Variants in AADACL3 observed in about 807,000 individuals in gnomAD.
AADACL3 encodes the protein arylacetamide deacetylase-like 3.
In AADACL3, 13 loss-of-function variants were observed where a neutral mutation model predicts 13.6. The ratio of observed to expected loss-of-function variants is 0.95; its 90% CI spans 0.62 to 1.52. AADACL3 has a LOEUF of 1.52. Ranked by LOEUF, AADACL3 falls within the 40% of genes most tolerant of loss-of-function variation. The probability of loss-of-function intolerance (pLI) is 0.00; values close to 1 mark genes in which losing one functional copy is unlikely to be tolerated. For synonymous variants in AADACL3, 195 were observed against 197.0 expected (o/e 0.99, Z 0.08); for missense variants, 519 against 499.2 (o/e 1.04, Z -0.38).
intron 2 of AADACL3, 48 bp from the exon 3 acceptor site, chr1:12,720,835 G>A: frequency 6.5e-7 from 1 of 1,541,170 alleles, no homozygotes. Context: ...GACAATGGCT[G>A]GCAAAGGAAG....
rs543816007 is a variant in AADACL3, at chr1:12,719,617, C to T, written c.311C>T (p.Pro104Leu). 1.2e-6 allele frequency: 2 copies of T among 1,614,134 alleles called. No individual in the cohort carries two copies. Among genetic ancestry groups the T allele is most frequent in the African/African-American group, 1.3e-5 (1 of 75,026 alleles). Reference protein sequence around the residue: ...FGTIPVKLYQPKASTCTLKPG... With the variant: ...FGTIPVKLYQLKASTCTLKPG... Reference sequence around the variant, plus strand: ...ACAATCCCTGTGAAGCTGTACCAACCCAAGGCATCCACCTGCACCCTGAAG... The same window carrying T: ...ACAATCCCTGTGAAGCTGTACCAACTCAAGGCATCCACCTGCACCCTGAAG... The change falls in exon 2 of 4, where the codon CCC becomes CTC. Residue 104 changes from proline (P) to leucine (L), a missense_variant. Transcript: ENST00000359318.
At position 12,727,465 on chromosome 1, in the gene AADACL3, C is replaced by T. The variant is rs1410598510; in HGVS notation, c.*1469C>T. On this transcript the variant is annotated 3_prime_UTR_variant, in exon 4 of 4. Coordinates refer to ENST00000359318, the MANE Select transcript of AADACL3 (RefSeq NM_001103170.3). ...CACTGGGCAAGTTGGCCAGTTGTTCCTTAGGAATGAAAATTCTTTTGAAAG... is the reference window on the plus strand; with the variant it reads ...CACTGGGCAAGTTGGCCAGTTGTTCTTTAGGAATGAAAATTCTTTTGAAAG... 5 of 152,192 alleles carry T rather than the reference C, an allele frequency of 3.3e-5. No homozygotes were observed. Among genetic ancestry groups the T allele is most frequent in the Admixed American group, 3.3e-4 (5 of 15,274 alleles). The allele number at this position is 152,192 out of a possible 1,614,324, so 9.4% of individuals were successfully genotyped here. A position where few individuals can be genotyped will look rare whatever the true frequency, so the allele number is the denominator to read the frequency against.
At chr1:12,720,743 A>C in intron 2 of AADACL3, 140 bp from the exon 3 acceptor site, 2 of 638,818 alleles carry the variant, frequency 3.1e-6, no homozygotes, top group Non-Finnish European at 2.9e-6. Flanking sequence ...AATCAGTGAG[A>C]AGATTGACCG....
At chr1:12,724,164 C>T (rs769625374) in intron 3 of AADACL3, among the ~76,000 whole-genome samples, 5 of 152,134 alleles carry the variant, frequency 3.3e-5, no homozygotes, top group South Asian at 2.1e-4. Context: ...AGTTCAGGGT[C>T]GTGGGTGGCT....
rs995507650 is a variant in AADACL3 at position 12,716,138 on chromosome 1, G to T, written c.-39G>T. 4.0e-5 allele frequency: 27 copies of T among 669,522 alleles called. No individual in the cohort carries two copies. In the Middle Eastern group the frequency reaches 1.6e-3, roughly 40 times the overall value. The allele number at this position is 669,522 out of a possible 1,614,324, so 41.5% of individuals were successfully genotyped here. A position where few individuals can be genotyped will look rare whatever the true frequency, so the allele number is the denominator to read the frequency against. On this transcript the variant is annotated 5_prime_UTR_variant, in exon 1 of 4. Transcript: ENST00000359318. ...CCATGTCCTAAATGGTTTACACTGC[G>T]CACAGCTTCCTCTCAGCCCGCTCTG...
In AADACL3 at chr1:12,727,347, T is replaced by C. The variant is rs1266690622; in HGVS notation, c.*1351T>C. 6.6e-6 allele frequency: 1 copy of C among 152,182 alleles called. No individual in the cohort carries two copies. The highest frequency in any genetic ancestry group is 6.5e-5 in the Admixed American group (1 of 15,280). 9.4% of individuals were successfully genotyped at this position (152,182 alleles called of 1,614,324 possible). On this transcript the variant is annotated 3_prime_UTR_variant, in exon 4 of 4. Transcript: ENST00000359318. ...GTTCCTAATTGAAGGGTAGGGTAAA[T>C]GGTTGTTGGGTGGACACCAACACTT...
At position 12,719,598 on chromosome 1, in the gene AADACL3, C is replaced by T; in HGVS notation, c.292C>T (p.Pro98Ser). 3.1e-6 allele frequency: 5 copies of T among 1,614,114 alleles called. No homozygotes were observed. Among genetic ancestry groups the T allele is most frequent in the South Asian group, 1.1e-5 (1 of 91,074 alleles). ...CACGGATTTCCGCTTTGGGACAATCCCTGTGAAGCTGTACCAACCCAAGGC... is the reference window on the plus strand; with the variant it reads ...CACGGATTTCCGCTTTGGGACAATCTCTGTGAAGCTGTACCAACCCAAGGC... Reference protein sequence around the residue: ...VVTDFRFGTIPVKLYQPKAST... With the variant: ...VVTDFRFGTISVKLYQPKAST... Residue 98 changes from proline (P) to serine (S), a missense_variant, in exon 2 of 4, where the codon CCT (proline) becomes TCT (serine). Pro to Ser is a moderately conservative substitution (Grantham distance 74). Coordinates refer to ENST00000359318, the MANE Select transcript of AADACL3 (RefSeq NM_001103170.3).
At chr1:12,722,682 C>CT (rs1053024862) in intron 3 of AADACL3, among the ~76,000 whole-genome samples, 3,674 of 140,880 alleles carry the variant, frequency 0.026, 50 homozygotes, top group African/African-American at 0.044. Flanking sequence ...GTTTCTTTGT[C>CT]TTTTTTTTTT....
intron 3 of AADACL3, among the ~76,000 whole-genome samples, chr1:12,723,709 G>A (rs1035328250): frequency 2.0e-5 from 3 of 151,944 alleles, no homozygotes; most frequent in African/African-American, 7.3e-5. Context: ...GAACTCCTGA[G>A]CTCAGGCGAT....
chr1:12,719,652 G>C lies in AADACL3; in HGVS notation c.346G>C (p.Val116Leu). The C allele has an allele frequency of 6.2e-7, 1 of 1,614,150 alleles. No individual in the cohort carries two copies. Among genetic ancestry groups the C allele is most frequent in the East Asian group, 2.2e-5 (1 of 44,880 alleles). The change falls in exon 2 of 4, where the codon GTG becomes CTG. Residue 116 changes from valine (V) to leucine (L), a missense_variant. Physicochemically the swap from Val to Leu is conservative, Grantham distance 32. Transcript: ENST00000359318. ...CACCTGCACCCTGAAGCCTGGCATCGTGTACTACCACGGTGGCGGGGGCGT... is the reference window on the plus strand; with the variant it reads ...CACCTGCACCCTGAAGCCTGGCATCCTGTACTACCACGGTGGCGGGGGCGT... ...ASTCTLKPGI[V>L]YYHGGGGVMG...
At chr1:12,723,802 A>G (rs1638312555) in intron 3 of AADACL3, among the ~76,000 whole-genome samples, 1 of 131,982 alleles carries the variant, frequency 7.6e-6, no homozygotes, top group Non-Finnish European at 1.6e-5. Context: ...TTTTTTTTTG[A>G]GACAGAGTTT....
At chr1:12,718,359 CAAAAA>C (rs781999285) in intron 1 of AADACL3, among the ~76,000 whole-genome samples, 1 of 66,554 alleles carries the variant, frequency 1.5e-5, no homozygotes, top group Non-Finnish European at 3.1e-5. Context: ...CTCTTCTCTC[CAAAAA>C]AAAAAAAAAA....
At position 12,719,565 on chromosome 1, in the gene AADACL3, G is replaced by A. The variant is rs1557569957; in HGVS notation, c.259G>A (p.Val87Ile). 1 of 1,613,992 alleles carries A rather than the reference G, an allele frequency of 6.2e-7. No individual in the cohort carries two copies. The highest frequency in any genetic ancestry group is 8.5e-7 in the Non-Finnish European group (1 of 1,179,854). The stretch of plus-strand genomic sequence containing the variant: ...GCCTCCGCTAAAGTATGACCCCGAT[G>A]TTGTGGTCACGGATTTCCGCTTTGG... ...DLPPLKYDPD[V>I]VVTDFRFGTI... The change falls in exon 2 of 4, where the codon GTT becomes ATT. Residue 87 changes from valine to isoleucine, a missense_variant. Transcript: ENST00000359318.
chr1:12,720,095 A>C (rs1358568148), intron 2 of AADACL3, among the ~76,000 whole-genome samples: 1 of 152,218 alleles, frequency 6.6e-6, no homozygotes, highest in Non-Finnish European at 1.5e-5. Context: ...ATTAAAACAC[A>C]GCATTTTGTT....
intron 3 of AADACL3, among the ~76,000 whole-genome samples, chr1:12,721,675 A>G (rs1338308414): frequency 6.6e-6 from 1 of 152,346 alleles, no homozygotes; most frequent in Middle Eastern, 3.4e-3. Context: ...GGTACCCCGC[A>G]CCATCACTCA....
At chr1:12,725,188 G>A (rs774724252) in intron 3 of AADACL3, 34 bp from the exon 4 acceptor site, 14 of 1,553,264 alleles carry the variant, frequency 9.0e-6, no homozygotes, top group South Asian at 1.3e-5. Context: ...ATCTGCCGGG[G>A]CGTTATCAAC....
At chr1:12,721,532 T>G (rs1205248638) in intron 3 of AADACL3, among the ~76,000 whole-genome samples, 1 of 152,214 alleles carries the variant, frequency 6.6e-6, no homozygotes, top group African/African-American at 2.4e-5. Context: ...AGGCGTTTTG[T>G]GCATTTTGAA....
In AADACL3 at chr1:12,726,860, T is replaced by C. The variant is rs1269437007; in HGVS notation, c.*864T>C. On this transcript the variant is annotated 3_prime_UTR_variant, in exon 4 of 4. Transcript: ENST00000359318. ...GAACAGAAGATGTATTTGTGAAAAC[T>C]ATTTCTTTTTTAAGACATGGAACCA... is the stretch of plus-strand genomic sequence containing the variant. 1 of 152,194 alleles carries C rather than the reference T, an allele frequency of 6.6e-6. No individual in the cohort carries two copies. The highest frequency in any genetic ancestry group is 2.4e-5 in the African/African-American group (1 of 41,426). 9.4% of individuals were successfully genotyped at this position (152,194 alleles called of 1,614,324 possible). A position where few individuals can be genotyped will look rare whatever the true frequency, so the allele number is the denominator to read the frequency against.
rs1183485676 is a variant in AADACL3, at chr1:12,716,189, G to A, written c.13G>A (p.Ala5Thr). The A allele has an allele frequency of 6.4e-6, 6 of 934,872 alleles. No individual in the cohort carries two copies. The highest frequency in any genetic ancestry group is 4.8e-5 in the East Asian group (2 of 41,678). The allele number at this position is 934,872 out of a possible 1,614,324, so 57.9% of individuals were successfully genotyped here. A position where few individuals can be genotyped will look rare whatever the true frequency, so the allele number is the denominator to read the frequency against. ...AGCTGGAAGCAGCATGTGGGACCTG[G>A]CCCTGATCTTCCTCGCAGCAGCCTG... MWDL[A>T]LIFLAAACVF... The change falls in exon 1 of 4, where the codon GCC becomes ACC. Residue 5 changes from alanine (A) to threonine (T), a missense_variant. Coordinates refer to ENST00000359318, the MANE Select transcript of AADACL3 (RefSeq NM_001103170.3).
Sources: allele counts gnomAD v4.1 joint callset (sites outside exome capture counted in the v4.1 genomes callset), GRCh38; gene constraint gnomAD v4.1.1; transcripts MANE v1.5; gene names NCBI Gene and HGNC (gene_info 2026-07-23, HGNC 2026-07-21).